Variants in GRK7 observed in about 807,000 individuals in gnomAD.
GRK7 encodes the protein rhodopsin kinase GRK7.
A neutral mutation model predicts 34.1 loss-of-function variants in GRK7; 24 were observed. That is an observed-to-expected ratio of 0.70 (90% CI 0.51 to 0.99). The LOEUF is 0.99. Among genes scored for constraint, GRK7 ranks in the 50% least tolerant of loss-of-function variants. GRK7 has a pLI of 0.00. For synonymous variants in GRK7, 256 were observed against 279.4 expected, an observed-to-expected ratio of 0.92 and a Z score of 0.84; for missense variants, 644 against 707.3, an observed-to-expected ratio of 0.91 and a Z score of 1.02.
intron 4 of GRK7, among the ~76,000 whole-genome samples, chr3:141,805,456 C>T (rs1198086123): frequency 6.6e-6 from 1 of 152,210 alleles, no homozygotes; most frequent in Non-Finnish European, 1.5e-5. Context: ...GCCTACAGGA[C>T]CCTTTTGTCT....
chr3:141,807,998 C>A, intron 5 of GRK7, 79 bp downstream of exon 5: 1 of 1,299,042 alleles, frequency 7.7e-7, no homozygotes, highest in Non-Finnish European at 1.0e-6. Context: ...TGATTTGTGG[C>A]AAAGTCTTGG....
At chr3:141,767,463 G>A (rs986925807) in intron 1 of GRK7, among the ~76,000 whole-genome samples, 36 of 151,564 alleles carry the variant, frequency 2.4e-4, no homozygotes, top group African/African-American at 7.5e-4. Context: ...GTGCAGTAGC[G>A]TGATCTCAGC....
Position 141,763,954 on chromosome 3 carries a change from C to G in GRK7, c.-1999C>G, listed in dbSNP as rs767658696. Among the ~76,000 whole-genome samples, 1 of 152,144 alleles carries G rather than the reference C, an allele frequency of 6.6e-6. No individual in the cohort carries two copies. Among genetic ancestry groups the G allele is most frequent in the East Asian group, 1.9e-4 (1 of 5,198 alleles). On this transcript the variant is annotated 5_prime_UTR_variant, in exon 1 of 6. Transcript: ENST00000682958. ...GTTTCTTCTGCAACACTTCTGCTCC[C>G]CTCATCCAACTGGACCTGGCAACAT...
At chr3:141,777,398 C>T (rs2107876003) in intron 2 of GRK7, among the ~76,000 whole-genome samples, 1 of 125,918 alleles carries the variant, frequency 7.9e-6, no homozygotes, top group South Asian at 2.7e-4. Flanking sequence ...AATCTCGGCT[C>T]ACTGCAAGCT....
At chr3:141,786,246 T>C (rs1270679398) in intron 4 of GRK7, among the ~76,000 whole-genome samples, 1 of 152,164 alleles carries the variant, frequency 6.6e-6, no homozygotes, top group Non-Finnish European at 1.5e-5. Context: ...GAAAAAAATA[T>C]TGATGAGGAT....
At chr3:141,774,226 A>G (rs1259786599) in intron 1 of GRK7, among the ~76,000 whole-genome samples, 1 of 152,100 alleles carries the variant, frequency 6.6e-6, no homozygotes, top group Non-Finnish European at 1.5e-5. Flanking sequence ...TGAGGCCAGG[A>G]GTTCGAGACC....
intron 2 of GRK7, among the ~76,000 whole-genome samples, chr3:141,777,342 T>TTTTTTTTTTTTTTTTTTTTA (rs1577912931): frequency 8.1e-6 from 1 of 123,882 alleles, no homozygotes. Flanking sequence ...TTTTTTTTTT[T>TTTTTTTTTTTTTTTTTTTTA]GAGACGGAGT....
intron 1 of GRK7, among the ~76,000 whole-genome samples, chr3:141,766,718 A>G (rs879737094): frequency 3.0e-4 from 45 of 152,250 alleles, no homozygotes; most frequent in Middle Eastern, 6.8e-3. Context: ...TATCAAATCT[A>G]TGTTTTGTGG....
chr3:141,764,250 A>T lies in GRK7; in HGVS notation c.-1703A>T, dbSNP rs577375842. On this transcript the variant is annotated 5_prime_UTR_variant, in exon 1 of 6. An upstream open reading frame in the 5' UTR loses its in-frame stop. Coordinates refer to ENST00000682958, the MANE Select transcript of GRK7 (RefSeq NM_139209.3). The stretch of plus-strand genomic sequence containing the variant: ...TGATGTGCTCTCCACCCCTGCCTTG[A>T]CTGCCACTCACTCCAGTGGTCACAC... Among the ~76,000 whole-genome samples the T allele has an allele frequency of 2.8e-4, 43 of 152,128 alleles. No individual in the cohort carries two copies. Among genetic ancestry groups the T allele is most frequent in the African/African-American group, 1.0e-3 (43 of 41,518 alleles).
chr3:141,777,342 T>TTTTTTTTTTTTTTTTTTTTTTTTTG (rs1577912931), intron 2 of GRK7, among the ~76,000 whole-genome samples: 1 of 123,882 alleles, frequency 8.1e-6, no homozygotes, highest in Admixed American at 8.5e-5. Flanking sequence ...TTTTTTTTTT[T>TTTTTTTTTTTTTTTTTTTTTTTTTG]GAGACGGAGT....
intron 2 of GRK7, among the ~76,000 whole-genome samples, chr3:141,777,067 G>C (rs981048479): frequency 6.6e-6 from 1 of 152,124 alleles, no homozygotes; most frequent in African/African-American, 2.4e-5. Flanking sequence ...AAGATGTTGA[G>C]GGGCCACGTC....
At chr3:141,809,156 C>T (rs371104768) in intron 5 of GRK7, among the ~76,000 whole-genome samples, 7 of 152,012 alleles carry the variant, frequency 4.6e-5, no homozygotes, top group South Asian at 2.1e-4. Context: ...GAGCCGAGAT[C>T]GCGCCACTGC....
the GRK7 span, among the ~76,000 whole-genome samples, chr3:141,756,713 C>A: frequency 6.6e-6 from 1 of 152,086 alleles, no homozygotes; most frequent in Non-Finnish European, 1.5e-5. Context: ...AAGACCATAA[C>A]CAACACCCTT....
intron 3 of GRK7, among the ~76,000 whole-genome samples, chr3:141,779,770 T>C (rs1280494212): frequency 6.6e-6 from 1 of 152,250 alleles, no homozygotes; most frequent in Admixed American, 6.5e-5. Flanking sequence ...TCACACAATA[T>C]GTGACCTTTT....
In GRK7 at chr3:141,817,655, C is replaced by T. The variant is rs1559850073; in HGVS notation, c.*605C>T. The stretch of plus-strand genomic sequence containing the variant: ...TATCATAATGTTGAAGCATTTTAAA[C>T]ATAAACATCCATGACATCTGTGAAT... On this transcript the variant is annotated 3_prime_UTR_variant, in exon 6 of 6. Transcript: ENST00000682958. The T allele has an allele frequency of 6.6e-6, 1 of 152,184 alleles. No homozygotes were observed. The highest frequency in any genetic ancestry group is 1.9e-4 in the East Asian group (1 of 5,190). The allele number at this position is 152,184 out of a possible 1,614,324, so 9.4% of individuals were successfully genotyped here. A position where few individuals can be genotyped will look rare whatever the true frequency, so the allele number is the denominator to read the frequency against.
upstream of GRK7, among the ~76,000 whole-genome samples, chr3:141,763,156 ATCT>A (rs2084564880): frequency 6.6e-6 from 1 of 151,862 alleles, no homozygotes; most frequent in Non-Finnish European, 1.5e-5. Flanking sequence ...CCTCCTCCAG[ATCT>A]TCTTAAGGAT....
chr3:141,778,583 C>A lies in GRK7; in HGVS notation c.299C>A (p.Pro100His). The part of the protein sequence containing the change: ...VQNWELAEEG[P>H]TKDSALQGLV... ...AACTGGGAGCTGGCCGAGGAGGGAC[C>A]CACCAAAGACAGCGCGCTGCAGGGG... Residue 100 changes from proline to histidine, a missense_variant, in exon 3 of 6, where the codon CCC becomes CAC. Pro to His is a moderately conservative substitution (Grantham distance 77, BLOSUM62 -2). Coordinates refer to ENST00000682958, the MANE Select transcript of GRK7 (RefSeq NM_139209.3). This position sits in a 1 kb window ranked among gnomAD's most constrained non-coding sequence, Gnocchi z 4.1. The A allele has an allele frequency of 4.3e-6, 7 of 1,612,908 alleles. No individual in the cohort carries two copies. Among genetic ancestry groups the A allele is most frequent in the Non-Finnish European group, 5.9e-6 (7 of 1,179,580 alleles).
chr3:141,778,578 G>A lies in GRK7; in HGVS notation c.294G>A (p.Glu98=). ...EDVQNWELAE[E]GPTKDSALQG... ...TGCAGAACTGGGAGCTGGCCGAGGAGGGACCCACCAAAGACAGCGCGCTGC... is the reference window on the plus strand; with the variant it reads ...TGCAGAACTGGGAGCTGGCCGAGGAAGGACCCACCAAAGACAGCGCGCTGC... Residue 98 remains glutamate (E), a synonymous_variant, in exon 3 of 6, where the codon GAG becomes GAA. Transcript: ENST00000682958. The surrounding 1 kb of genome is among the most constrained non-coding windows in gnomAD (Gnocchi z 4.1). 5.0e-6 allele frequency: 8 copies of A among 1,613,254 alleles called. No homozygotes were observed. Among genetic ancestry groups the A allele is most frequent in the Non-Finnish European group, 6.8e-6 (8 of 1,179,872 alleles).
At chr3:141,779,188 G>A (rs73000333) in intron 3 of GRK7, among the ~76,000 whole-genome samples, 315 of 152,256 alleles carry the variant, frequency 2.1e-3, no homozygotes, top group African/African-American at 7.3e-3. Flanking sequence ...ATAGCAATGT[G>A]TGACAGAAGA....
Sources: gnomAD v4.1 joint callset for allele counts (sites outside exome capture counted in the v4.1 genomes callset) on GRCh38, gnomAD v4.1.1 for gene constraint, Gnocchi (gnomAD v3.1) non-coding constraint, MANE v1.5 for transcripts, NCBI Gene and HGNC (gene_info 2026-07-23, HGNC 2026-07-21) for gene names.